Variants in ADK observed in about 807,000 individuals in gnomAD.
The protein encoded by ADK is N6,N6-dimethyladenosine kinase.
In ADK, 24 loss-of-function variants were observed where a neutral mutation model predicts 44.7. The observed-to-expected ratio is 0.54, with a 90% confidence interval of 0.39 to 0.76. ADK has a LOEUF of 0.76. Ranked by LOEUF, ADK falls within the 30% of genes least tolerant of loss-of-function variation. The probability of loss-of-function intolerance (pLI) is 0.00; values close to 1 mark genes in which losing one functional copy is unlikely to be tolerated. For synonymous variants in ADK, 128 were observed against 142.6 expected, an observed-to-expected ratio of 0.90 and a Z score of 0.73; for missense variants, 321 against 425.1, an observed-to-expected ratio of 0.76 and a Z score of 2.15.
At chr10:74,371,310 A>T (rs921751248) in intron 4 of ADK, among the ~76,000 whole-genome samples, 1 of 152,220 alleles carries the variant, frequency 6.6e-6, no homozygotes, top group East Asian at 1.9e-4. Flanking sequence ...AAAATCATTG[A>T]ATCATATGCT....
At chr10:74,371,788 G>T in intron 4 of ADK, 1 of 1,307,556 alleles carries the variant, frequency 7.6e-7, no homozygotes, top group East Asian at 2.3e-5. Context: ...ATTGGCCAAA[G>T]GGCTGTGCTG....
intron 8 of ADK, among the ~76,000 whole-genome samples, chr10:74,595,395 G>GTT (rs1851871945): frequency 1.1e-5 from 1 of 91,700 alleles, no homozygotes; most frequent in African/African-American, 5.4e-5. Flanking sequence ...TTTTTTTTGG[G>GTT]GAGGGGGTTT....
chr10:74,631,423 GT>G (rs80277195), intron 9 of ADK, among the ~76,000 whole-genome samples: 1,554 of 132,480 alleles, frequency 0.012, 13 homozygotes, highest in Non-Finnish European at 0.018. Context: ...TTTTTGTTTT[GT>G]TTTTTTTTTT....
chr10:74,655,903 C>A, intron 9 of ADK: 1 of 666,164 alleles, frequency 1.5e-6, no homozygotes, highest in Admixed American at 2.0e-5. Flanking sequence ...GCTGACCTGA[C>A]AGAGGGTCAG....
At chr10:74,508,136 G>A (rs571109612) in intron 6 of ADK, among the ~76,000 whole-genome samples, 14 of 152,266 alleles carry the variant, frequency 9.2e-5, no homozygotes, top group African/African-American at 3.4e-4. Flanking sequence ...ATGCTGGGGT[G>A]TGAGGCATTT....
intron 6 of ADK, among the ~76,000 whole-genome samples, chr10:74,430,233 TACTCAGTTTCTCGAGGTA>T (rs1465388005): frequency 9.9e-5 from 15 of 152,214 alleles, no homozygotes; most frequent in Non-Finnish European, 1.5e-5. Context: ...ATGTACTTTT[TACTCAGTTTCTCGAGGTA>T]ACTTCTTACA....
At chr10:74,323,499 T>C (rs1236780783) in intron 4 of ADK, among the ~76,000 whole-genome samples, 1 of 152,222 alleles carries the variant, frequency 6.6e-6, no homozygotes, top group Non-Finnish European at 1.5e-5. Flanking sequence ...ATCTTGTGGC[T>C]TTTAGTGTGT....
Position 74,525,286 on chromosome 10 carries a change from G to A in ADK, c.586G>A (p.Val196Ile), listed in dbSNP as rs987102990. Residue 196 changes from valine (V) to isoleucine (I), a missense_variant, in exon 7 of 11, where the codon GTA (valine) becomes ATA (isoleucine). Val to Ile is a conservative substitution (Grantham distance 29, BLOSUM62 3). Transcript: ENST00000539909. ...GFFLTVSPES[V>I]LKVAHHASEN... The stretch of plus-strand genomic sequence containing the variant: ...TTTTCTTACAGTTTCCCCAGAGTCA[G>A]TATTAAAGGTGGCTCACCATGCTTC... 16 of 1,613,616 alleles carry A rather than the reference G, an allele frequency of 9.9e-6. No individual in the cohort carries two copies. Among genetic ancestry groups the A allele is most frequent in the Admixed American group, 3.3e-5 (2 of 59,982 alleles).
At chr10:74,638,163 C>T (rs928429847) in intron 9 of ADK, among the ~76,000 whole-genome samples, 1 of 152,120 alleles carries the variant, frequency 6.6e-6, no homozygotes, top group African/African-American at 2.4e-5. Context: ...ATGTAATACA[C>T]TTTATTAAGA....
chr10:74,692,997 G>A (rs377017971), intron 10 of ADK, among the ~76,000 whole-genome samples: 16 of 152,240 alleles, frequency 1.1e-4, no homozygotes, highest in South Asian at 4.1e-4. Flanking sequence ...GAGCTGTGGC[G>A]CAAGGAGAGA....
intron 9 of ADK, among the ~76,000 whole-genome samples, chr10:74,618,017 C>G (rs1313171054): frequency 1.3e-5 from 2 of 152,150 alleles, no homozygotes; most frequent in African/African-American, 2.4e-5. Context: ...TGCATCTTGC[C>G]TTAATATCTA....
chr10:74,622,955 C>T (rs921977880), intron 9 of ADK, among the ~76,000 whole-genome samples: 1 of 151,376 alleles, frequency 6.6e-6, no homozygotes, highest in East Asian at 1.9e-4. Flanking sequence ...TGCGGTGAGC[C>T]GAGATCACAC....
chr10:74,281,983 G>A (rs1846958198), intron 3 of ADK, among the ~76,000 whole-genome samples: 1 of 152,104 alleles, frequency 6.6e-6, no homozygotes, highest in South Asian at 2.1e-4. Context: ...CATTTTATTT[G>A]TTGAAATATG....
At chr10:74,246,830 G>A (rs1845432451) in intron 3 of ADK, among the ~76,000 whole-genome samples, 1 of 152,098 alleles carries the variant, frequency 6.6e-6, no homozygotes, top group African/African-American at 2.4e-5. Context: ...AGACATTAAA[G>A]AGATTTGCAA....
intron 7 of ADK, among the ~76,000 whole-genome samples, chr10:74,587,396 T>G (rs1446306916): frequency 4.6e-5 from 7 of 152,148 alleles, no homozygotes; most frequent in African/African-American, 1.7e-4. Context: ...GCGTAAGGAG[T>G]TGTACTTTCA....
In ADK at chr10:74,314,756, T is replaced by C; in HGVS notation, c.273+11T>C. On this transcript the variant is annotated intron_variant, in intron 4 of 10. Coordinates refer to ENST00000539909, the MANE Select transcript of ADK (RefSeq NM_006721.4). ...ATTAAAGTGGCTCAGGTTGGTTAAT[T>C]ATTTTAAAAGTTAAAAGGATTCAAA... 6.3e-7 allele frequency: 1 copy of C among 1,586,666 alleles called. No individual in the cohort carries two copies. The highest frequency in any genetic ancestry group is 8.7e-7 in the Non-Finnish European group (1 of 1,155,672).
At chr10:74,636,275 CTT>C (rs1273834299) in intron 9 of ADK, among the ~76,000 whole-genome samples, 2 of 151,922 alleles carry the variant, frequency 1.3e-5, no homozygotes, top group African/African-American at 4.8e-5. Flanking sequence ...AAAAAGATAA[CTT>C]AGGGTTAGAT....
intron 9 of ADK, among the ~76,000 whole-genome samples, chr10:74,653,693 G>T (rs1366060513): frequency 2.6e-5 from 4 of 152,160 alleles, no homozygotes; most frequent in Non-Finnish European, 4.4e-5. Context: ...ATAAAGAAAT[G>T]ACTTCTGCTT....
intron 6 of ADK, among the ~76,000 whole-genome samples, chr10:74,453,570 A>C (rs1426675847): frequency 6.6e-6 from 1 of 152,062 alleles, no homozygotes; most frequent in Non-Finnish European, 1.5e-5. Flanking sequence ...TTTCACTTGA[A>C]GTTATTAGTG....
Sources: allele counts gnomAD v4.1 joint callset (sites outside exome capture counted in the v4.1 genomes callset), GRCh38; gene constraint gnomAD v4.1.1; transcripts MANE v1.5; gene names NCBI Gene and HGNC (gene_info 2026-07-23, HGNC 2026-07-21).